The following EMX1 variants were observed in gnomAD, a reference collection of about 807,000 sequenced individuals.
EMX1 encodes the protein homeobox protein EMX1.
Under a neutral mutation model 20.1 loss-of-function variants are expected in EMX1, and 10 were observed. The observed-to-expected ratio is 0.50, with a 90% CI of 0.31 to 0.84. The LOEUF is 0.84. EMX1 is among the 40% of genes least tolerant of loss of function. The probability of loss-of-function intolerance (pLI) is 0.05; values close to 1 mark genes in which losing one functional copy is unlikely to be tolerated. For synonymous variants in EMX1, 250 were observed against 200.4 expected (o/e 1.25, Z -2.09); for missense variants, 424 against 431.9 (o/e 0.98, Z 0.16).
chr2:72,918,399 G>A, intron 1 of EMX1, 27 bp downstream of exon 1: 1 of 1,364,200 alleles, frequency 7.3e-7, no homozygotes. Flanking sequence ...TGCCCGCCGA[G>A]GCGGCCGGCC....
chr2:72,931,349 G>A (rs1402875216), intron 2 of EMX1, among the ~76,000 whole-genome samples: 3 of 152,228 alleles, frequency 2.0e-5, no homozygotes, highest in Non-Finnish European at 4.4e-5. Context: ...GGAAATGCAT[G>A]TGGAAAGAGG....
chr2:72,932,030 C>T (rs954725443), intron 2 of EMX1, among the ~76,000 whole-genome samples: 1 of 152,244 alleles, frequency 6.6e-6, no homozygotes, highest in African/African-American at 2.4e-5. Flanking sequence ...CCTCTGCATG[C>T]ACTGCTTGGC....
At chr2:72,927,137 A>G (rs1671218430) in intron 2 of EMX1, among the ~76,000 whole-genome samples, 1 of 151,978 alleles carries the variant, frequency 6.6e-6, no homozygotes, top group Non-Finnish European at 1.5e-5. Flanking sequence ...TATATTTCCG[A>G]TTTTCTATTA....
chr2:72,926,891 G>C (rs1210149751), intron 2 of EMX1, among the ~76,000 whole-genome samples: 1 of 152,046 alleles, frequency 6.6e-6, no homozygotes, highest in African/African-American at 2.4e-5. Flanking sequence ...TATATAATTA[G>C]CTACTTCTCT....
chr2:72,933,985 G>A lies in EMX1; in HGVS notation c.*31G>A, dbSNP rs752558555. 6.2e-7 allele frequency: 1 copy of A among 1,613,406 alleles called. No individual in the cohort carries two copies. Among genetic ancestry groups the A allele is most frequent in the Non-Finnish European group, 8.5e-7 (1 of 1,179,568 alleles). ...GCAACCACAAACCCACGAGGGCAGA[G>A]TGCTGCTTGCTGCTGGCCAGGCCCC... On this transcript the variant is annotated 3_prime_UTR_variant, in exon 3 of 3. Coordinates refer to ENST00000258106, the MANE Select transcript of EMX1 (RefSeq NM_004097.3).
At chr2:72,918,732 C>T (rs1329601742) in intron 1 of EMX1, among the ~76,000 whole-genome samples, 1 of 152,270 alleles carries the variant, frequency 6.6e-6, no homozygotes, top group African/African-American at 2.4e-5. Flanking sequence ...CGCTCTCCCT[C>T]CGCCCGGCTT....
chr2:72,933,715 G>T, intron 2 of EMX1, 72 bp from the exon 3 acceptor site: 1 of 1,572,832 alleles, frequency 6.4e-7, no homozygotes, highest in Non-Finnish European at 8.6e-7. Context: ...CTCAGCCTGA[G>T]TGTTGAGGCC....
At chr2:72,920,153 C>T (rs1046637221) in intron 1 of EMX1, among the ~76,000 whole-genome samples, 1 of 152,194 alleles carries the variant, frequency 6.6e-6, no homozygotes, top group Non-Finnish European at 1.5e-5. Context: ...GCCCTCCGCA[C>T]CGCGGTTCCT....
At chr2:72,925,248 G>A (rs944277752) in intron 2 of EMX1, among the ~76,000 whole-genome samples, 6 of 152,216 alleles carry the variant, frequency 3.9e-5, no homozygotes, top group African/African-American at 1.4e-4. Flanking sequence ...AAACTCCAAC[G>A]GCGCCTGGGC....
At chr2:72,924,589 A>C in intron 2 of EMX1, 96 bp downstream of exon 2, 1 of 1,390,100 alleles carries the variant, frequency 7.2e-7, no homozygotes, top group Non-Finnish European at 9.4e-7. Flanking sequence ...GCCCCAGCCC[A>C]GCCCTGCTGG....
chr2:72,916,591 T>G (rs1383936491), upstream of EMX1: 3 of 651,578 alleles, frequency 4.6e-6, no homozygotes, highest in Non-Finnish European at 8.4e-6. Context: ...CGGAGCAGAG[T>G]CGTCCGCGGT....
intron 2 of EMX1, among the ~76,000 whole-genome samples, chr2:72,929,349 G>A (rs2105270155): frequency 6.6e-6 from 1 of 152,282 alleles, no homozygotes; most frequent in Middle Eastern, 3.4e-3. Context: ...GTCCAGGCTG[G>A]GCTGAAAGAG....
At chr2:72,931,750 G>A (rs1393362107) in intron 2 of EMX1, among the ~76,000 whole-genome samples, 4 of 152,244 alleles carry the variant, frequency 2.6e-5, no homozygotes. Flanking sequence ...TCCATCCATC[G>A]AGGCCGGGCA....
intron 1 of EMX1, among the ~76,000 whole-genome samples, chr2:72,921,647 G>T (rs902114033): frequency 1.3e-5 from 2 of 152,192 alleles, no homozygotes; most frequent in Non-Finnish European, 2.9e-5. Context: ...TCATCACTTA[G>T]CATCTTGACT....
intron 2 of EMX1, among the ~76,000 whole-genome samples, chr2:72,932,191 G>A (rs755640865): frequency 1.1e-4 from 16 of 152,178 alleles, no homozygotes; most frequent in South Asian, 2.1e-4. Context: ...TTCCTCACCC[G>A]CAACTCTGCC....
rs534077155 is a variant in EMX1, at chr2:72,923,097, T to C, written c.521-1212T>C. 9.2e-5 allele frequency among the ~76,000 whole-genome samples: 14 copies of C among 152,288 alleles called. No homozygotes were observed. The East Asian group carries it at 1.7e-3, about 19-fold the overall frequency. Reference sequence around the variant, plus strand: ...GTGTGAGGGCCTAGTGGGGTGTTCATTGAGACAGGCGCTGTGGGTAGAGGC... The same window carrying C: ...GTGTGAGGGCCTAGTGGGGTGTTCACTGAGACAGGCGCTGTGGGTAGAGGC... On this transcript the variant is annotated intron_variant, in intron 1 of 2. Transcript: ENST00000258106.
chr2:72,933,749 C>T (rs747660485), intron 2 of EMX1, 38 bp from the exon 3 acceptor site: 1 of 1,610,178 alleles, frequency 6.2e-7, no homozygotes, highest in South Asian at 1.1e-5. Context: ...TGGGGGCCTC[C>T]TGAGTTTCTC....
chr2:72,919,670 C>T (rs934899198), intron 1 of EMX1, among the ~76,000 whole-genome samples: 4 of 152,234 alleles, frequency 2.6e-5, no homozygotes, highest in African/African-American at 9.6e-5. Flanking sequence ...CCAATAGATG[C>T]TGACCTGGCA....
chr2:72,922,935 C>T (rs1240554488), intron 1 of EMX1, among the ~76,000 whole-genome samples: 4 of 152,364 alleles, frequency 2.6e-5, no homozygotes, highest in Middle Eastern at 3.4e-3. Flanking sequence ...ACAGCTAATT[C>T]TGTCAAAATA....
Sources: allele counts gnomAD v4.1 joint callset (sites outside exome capture counted in the v4.1 genomes callset), GRCh38; gene constraint gnomAD v4.1.1; transcripts MANE v1.5; gene names NCBI Gene and HGNC (gene_info 2026-07-23, HGNC 2026-07-21).